The following UMAD1 variants were observed in gnomAD, a reference collection of about 807,000 sequenced individuals.
UMAD1 encodes the protein UBAP1-MVB12-associated (UMA)-domain containing protein 1.
In UMAD1, 8 loss-of-function variants were observed where a neutral mutation model predicts 6.1. The ratio of observed to expected loss-of-function variants is 1.30; its 90% CI spans 0.76 to 2.35. UMAD1 has a LOEUF of 2.35. Ranked by LOEUF, UMAD1 falls within the 30% of genes most tolerant of loss-of-function variation. UMAD1 has a pLI of 0.00. For synonymous variants in UMAD1, 56 were observed against 31.4 expected, an observed-to-expected ratio of 1.78 and a Z score of -2.61; for missense variants, 130 against 78.4, an observed-to-expected ratio of 1.66 and a Z score of -2.49.
intron 2 of UMAD1, among the ~76,000 whole-genome samples, chr7:7,709,389 A>G (rs1016602237): frequency 1.3e-5 from 2 of 152,246 alleles, no homozygotes; most frequent in Non-Finnish European, 2.9e-5. Context: ...TCTTAAGAAG[A>G]TAAGTCCTGT....
chr7:7,717,547 T>C (rs937839792), intron 2 of UMAD1, among the ~76,000 whole-genome samples: 1 of 152,238 alleles, frequency 6.6e-6, no homozygotes, highest in Non-Finnish European at 1.5e-5. Flanking sequence ...GGTATGCATG[T>C]ATTTTTTATG....
At chr7:7,642,258 C>T (rs945215628) in intron 1 of UMAD1, among the ~76,000 whole-genome samples, 1 of 129,592 alleles carries the variant, frequency 7.7e-6, no homozygotes, top group Non-Finnish European at 1.6e-5. Flanking sequence ...CCTCAGCCTG[C>T]CAAGTAGCTG....
intron 2 of UMAD1, among the ~76,000 whole-genome samples, chr7:7,690,530 G>T (rs1414249839): frequency 1.3e-5 from 2 of 152,032 alleles, no homozygotes; most frequent in African/African-American, 2.4e-5. Context: ...TTGAGCTGCA[G>T]TTTTTTAATA....
chr7:7,736,642 T>A (rs1455395411), intron 2 of UMAD1: 1 of 152,174 alleles, frequency 6.6e-6, no homozygotes, highest in Non-Finnish European at 1.5e-5. Context: ...TTACTAAAAA[T>A]GTTTCTTCCA....
At chr7:7,656,240 C>T (rs550353672) in intron 1 of UMAD1, among the ~76,000 whole-genome samples, 12 of 151,958 alleles carry the variant, frequency 7.9e-5, no homozygotes, top group African/African-American at 2.2e-4. Flanking sequence ...AGTGGAAATA[C>T]GAGTTGAAGG....
At chr7:7,692,151 A>G (rs909537474) in intron 2 of UMAD1, among the ~76,000 whole-genome samples, 1 of 152,098 alleles carries the variant, frequency 6.6e-6, no homozygotes, top group African/African-American at 2.4e-5. Flanking sequence ...TCTCGCACAC[A>G]TATCACCATC....
intron 2 of UMAD1, among the ~76,000 whole-genome samples, chr7:7,680,126 T>C (rs1375692767): frequency 1.3e-5 from 2 of 152,162 alleles, no homozygotes; most frequent in Non-Finnish European, 2.9e-5. Flanking sequence ...CAGATTACTG[T>C]CCTGTAGCAT....
In UMAD1 at chr7:7,640,759, C is replaced by A. The variant is rs925880629; in HGVS notation, c.-126C>A. On this transcript the variant is annotated 5_prime_UTR_variant, in exon 1 of 4. Transcript: ENST00000682710. ...CACAGGATTCCCGGCGGTGACTTGA[C>A]CCCGGAAGTGGGGTGTGAAGCTCCG... is the stretch of plus-strand genomic sequence containing the variant. The A allele has an allele frequency of 4.4e-5, 11 of 250,940 alleles. No homozygotes were observed. Among genetic ancestry groups the A allele is most frequent in the East Asian group, 1.1e-4 (1 of 8,820 alleles). 15.5% of individuals were successfully genotyped at this position (250,940 alleles called of 1,614,324 possible). A position where few individuals can be genotyped will look rare whatever the true frequency, so the allele number is the denominator to read the frequency against.
chr7:7,798,474 A>C (rs1782731481), intron 2 of UMAD1, among the ~76,000 whole-genome samples: 1 of 152,226 alleles, frequency 6.6e-6, no homozygotes, highest in Admixed American at 6.5e-5. Flanking sequence ...GAAGGAGCAG[A>C]AGGAAGAATA....
intron 2 of UMAD1, among the ~76,000 whole-genome samples, chr7:7,711,146 T>C (rs1229703111): frequency 6.6e-6 from 1 of 152,162 alleles, no homozygotes; most frequent in African/African-American, 2.4e-5. Context: ...AATATCCTGG[T>C]TGTGGTATTG....
chr7:7,807,395 C>G (rs564461289), intron 3 of UMAD1, among the ~76,000 whole-genome samples: 1 of 152,016 alleles, frequency 6.6e-6, no homozygotes, highest in African/African-American at 2.4e-5. Context: ...GCTTTACACA[C>G]GTGAATCTCA....
intron 2 of UMAD1, among the ~76,000 whole-genome samples, chr7:7,716,445 C>T (rs956380382): frequency 6.6e-6 from 1 of 152,332 alleles, no homozygotes; most frequent in Middle Eastern, 3.4e-3. Context: ...CCTGAAAGAT[C>T]GAGCTGCAGA....
chr7:7,718,928 C>G (rs2024374), intron 2 of UMAD1, among the ~76,000 whole-genome samples: 24,133 of 145,784 alleles, frequency 0.17, 2,235 homozygotes, highest in Middle Eastern at 0.21. Context: ...TGATTTTGAC[C>G]ATCAGTTAAG....
intron 3 of UMAD1, among the ~76,000 whole-genome samples, chr7:7,837,821 C>T (rs929348352): frequency 1.3e-5 from 2 of 152,010 alleles, no homozygotes; most frequent in Admixed American, 6.6e-5. Context: ...AATCTAAATA[C>T]AGTACTGTGG....
intron 2 of UMAD1, among the ~76,000 whole-genome samples, chr7:7,748,212 G>C (rs1781611998): frequency 1.3e-5 from 2 of 151,420 alleles, no homozygotes. Flanking sequence ...CCAAAGTCCT[G>C]GGATTACAGG....
Position 7,725,703 on chromosome 7 carries a change from C to T in UMAD1, c.82+52250C>T, listed in dbSNP as rs889227571. On this transcript the variant is annotated intron_variant, in intron 2 of 3. Coordinates refer to ENST00000682710, the MANE Select transcript of UMAD1 (RefSeq NM_001302348.2). ...CAAATGGAAGTGGTATATATGTGAT[C>T]GGGCTTGAGCAGGTGAAGGCACAAG... Among the ~76,000 whole-genome samples the T allele has an allele frequency of 3.9e-5, 6 of 152,156 alleles. No homozygotes were observed. The East Asian group carries it at 5.8e-4, about 15-fold the overall frequency.
chr7:7,855,268 T>C (rs1783994510), intron 3 of UMAD1, among the ~76,000 whole-genome samples: 1 of 152,228 alleles, frequency 6.6e-6, no homozygotes, highest in African/African-American at 2.4e-5. Flanking sequence ...GTGTGGACTC[T>C]GCATGAGGGC....
At chr7:7,704,635 A>G (rs6966726) in intron 2 of UMAD1, among the ~76,000 whole-genome samples, 63,987 of 147,980 alleles carry the variant, frequency 0.43, 14,261 homozygotes, top group African/African-American at 0.51. Context: ...GGGCATGGTC[A>G]TGCACGTCTG....
At position 7,821,564 on chromosome 7, in the gene UMAD1, A is replaced by G. The variant is rs576551132; in HGVS notation, c.156+19821A>G. Among the ~76,000 whole-genome samples, 4 of 152,164 alleles carry G rather than the reference A, an allele frequency of 2.6e-5. No homozygotes were observed. In the South Asian group the frequency reaches 8.3e-4, roughly 32 times the overall value. On this transcript the variant is annotated intron_variant, in intron 3 of 3. Transcript: ENST00000682710. The stretch of plus-strand genomic sequence containing the variant: ...ATATCAGATATTAAAAGCTTATATG[A>G]TTTGGTTTTTAACCTCTGAACAGTC...
Sources: allele counts gnomAD v4.1 joint callset (sites outside exome capture counted in the v4.1 genomes callset), GRCh38; gene constraint gnomAD v4.1.1; transcripts MANE v1.5; gene names NCBI Gene and HGNC (gene_info 2026-07-23, HGNC 2026-07-21).